Variants in EDNRB observed in about 807,000 individuals in gnomAD.
EDNRB encodes the protein endothelin receptor type B, also known as Hirschsprung disease 2.
EDNRB carries 18 observed loss-of-function variants against 46.4 expected under a neutral mutation model. The ratio of observed to expected loss-of-function variants is 0.39; its 90% CI spans 0.27 to 0.57. The LOEUF (loss-of-function observed/expected upper bound fraction) is 0.57, where lower values mean the gene tolerates loss of function less well. Among genes scored for constraint, EDNRB ranks in the 20% least tolerant of loss-of-function variants. EDNRB has a pLI of 0.61. For missense variants in EDNRB, 434 were observed against 537.5 expected, an observed-to-expected ratio of 0.81 and a Z score of 1.90; for synonymous variants, 213 against 204.9, an observed-to-expected ratio of 1.04 and a Z score of -0.34.
chr13:77,962,494 A>C (rs1881453700), intron 1 of EDNRB, among the ~76,000 whole-genome samples: 1 of 152,216 alleles, frequency 6.6e-6, no homozygotes, highest in Non-Finnish European at 1.5e-5. Flanking sequence ...GTAATCCAGC[A>C]TATAAACAGA....
intron 1 of EDNRB, among the ~76,000 whole-genome samples, chr13:77,954,012 CACTCA>C (rs1328195100): frequency 1.3e-5 from 2 of 152,268 alleles, no homozygotes; most frequent in African/African-American, 4.8e-5. Context: ...GAACCCCAAT[CACTCA>C]ACTCCAACCT....
intron 1 of EDNRB, among the ~76,000 whole-genome samples, chr13:77,967,451 A>G (rs993829594): frequency 1.3e-5 from 2 of 152,214 alleles, no homozygotes; most frequent in Non-Finnish European, 2.9e-5. Flanking sequence ...AAAGGCCAAG[A>G]GAATCACACA....
chr13:77,946,772 G>A (rs976709473), intron 1 of EDNRB, among the ~76,000 whole-genome samples: 1 of 152,218 alleles, frequency 6.6e-6, no homozygotes, highest in Non-Finnish European at 1.5e-5. Context: ...ATACACTGAC[G>A]TTATTAGTGA....
At chr13:77,919,747 G>T (rs572771663), upstream of EDNRB, 16 of 826,872 alleles carry the variant, frequency 1.9e-5, no homozygotes, top group East Asian at 2.7e-4. Flanking sequence ...CTCGTCCGGG[G>T]ACAGGTCCCA....
At chr13:77,965,564 A>G (rs1213566794) in intron 1 of EDNRB, among the ~76,000 whole-genome samples, 3 of 152,190 alleles carry the variant, frequency 2.0e-5, no homozygotes, top group Admixed American at 6.6e-5. Flanking sequence ...GATAATTTTA[A>G]TTGGTCTTGG....
At chr13:77,946,113 C>A (rs528778764) in intron 1 of EDNRB, among the ~76,000 whole-genome samples, 103 of 152,262 alleles carry the variant, frequency 6.8e-4, no homozygotes, top group African/African-American at 2.4e-3. Flanking sequence ...AGTATCCGAA[C>A]TGTGATATAC....
chr13:77,901,350 A>C, intron 3 of EDNRB, 143 bp from the exon 4 acceptor site: 1 of 889,716 alleles, frequency 1.1e-6, no homozygotes. Flanking sequence ...AGAATCTTTC[A>C]GGCCACACTT....
At chr13:77,944,564 C>T (rs1033389511) in intron 1 of EDNRB, among the ~76,000 whole-genome samples, 1 of 151,846 alleles carries the variant, frequency 6.6e-6, no homozygotes, top group Non-Finnish European at 1.5e-5. Flanking sequence ...CACATAAATT[C>T]CAACGGAAGT....
At chr13:77,936,249 T>C (rs977759453) in intron 1 of EDNRB, among the ~76,000 whole-genome samples, 17 of 152,252 alleles carry the variant, frequency 1.1e-4, no homozygotes, top group South Asian at 2.1e-4. Flanking sequence ...GGTGTGGCTG[T>C]AGCCCAGGAA....
intron 1 of EDNRB, among the ~76,000 whole-genome samples, chr13:77,907,788 CAT>C (rs1879356075): frequency 6.6e-6 from 1 of 151,798 alleles, no homozygotes; most frequent in African/African-American, 2.4e-5. Flanking sequence ...GAATCCAGGC[CAT>C]GTTTTGAGGT....
chr13:77,899,863 A>T lies in EDNRB; in HGVS notation c.1190T>A (p.Phe397Tyr), dbSNP rs1396007412. ...TATTTTGGGATAGTCTCTTACCTTA[A>T]AGCAGTTTTTGAATCTTTTGCTCAC... ...YLVSKRFKNC[F>Y]KSCLCCWCQS... Residue 397 changes from phenylalanine (F) to tyrosine (Y), a missense_variant, in exon 6 of 7, where the codon TTT becomes TAT. Phe to Tyr is a conservative substitution (Grantham distance 22). Coordinates refer to ENST00000646607, the MANE Select transcript of EDNRB (RefSeq NM_001122659.3). 3 of 1,610,794 alleles carry T rather than the reference A, an allele frequency of 1.9e-6. No homozygotes were observed. In the African/African-American group the frequency reaches 4.0e-5, roughly 22 times the overall value.
intron 1 of EDNRB, chr13:77,944,723 G>C (rs1272793722): frequency 6.6e-6 from 1 of 152,080 alleles, no homozygotes; most frequent in Non-Finnish European, 1.5e-5. Context: ...AGAATGGAGG[G>C]AGTAGTGTTT....
chr13:77,916,555 C>A (rs1195723450), intron 1 of EDNRB, among the ~76,000 whole-genome samples: 1 of 152,192 alleles, frequency 6.6e-6, no homozygotes, highest in Non-Finnish European at 1.5e-5. Flanking sequence ...CTAATCCACT[C>A]TCACCGCTAA....
chr13:77,968,273 G>A lies in EDNRB; in HGVS notation c.-52+7074C>T, dbSNP rs556787610. On this transcript the variant is annotated intron_variant, in intron 1 of 7. Coordinates refer to the EDNRB transcript ENST00000646948. Reference sequence around the variant, plus strand: ...TATTTGCTCCTTGGTTGTAGAGGAAGAGATGCTATTTTCTCTGGAATTAGA... The same window carrying A: ...TATTTGCTCCTTGGTTGTAGAGGAAAAGATGCTATTTTCTCTGGAATTAGA... Among the ~76,000 whole-genome samples the A allele has an allele frequency of 2.0e-5, 3 of 152,206 alleles. No homozygotes were observed. The South Asian group carries it at 6.2e-4, about 32-fold the overall frequency.
intron 1 of EDNRB, among the ~76,000 whole-genome samples, chr13:77,974,405 A>C (rs1181162382): frequency 1.3e-5 from 2 of 152,118 alleles, no homozygotes; most frequent in Non-Finnish European, 2.9e-5. Flanking sequence ...AGGATTTTTG[A>C]TAGGAAGGCC....
chr13:77,953,780 A>G (rs1487977701), intron 1 of EDNRB, among the ~76,000 whole-genome samples: 2 of 152,204 alleles, frequency 1.3e-5, no homozygotes, highest in African/African-American at 4.8e-5. Context: ...CAGGGACCAT[A>G]TAATGAATAT....
At chr13:77,924,832 GT>G (rs1371040999) in intron 1 of EDNRB, among the ~76,000 whole-genome samples, 1 of 152,144 alleles carries the variant, frequency 6.6e-6, no homozygotes, top group Non-Finnish European at 1.5e-5. Flanking sequence ...AGATCTGATG[GT>G]TTTAAAAACG....
upstream of EDNRB, among the ~76,000 whole-genome samples, chr13:77,921,708 A>C (rs1441882498): frequency 2.0e-5 from 3 of 152,366 alleles, no homozygotes; most frequent in Middle Eastern, 6.8e-3. Flanking sequence ...ATGTAAAGAC[A>C]ACCATGTGAA....
At chr13:77,940,435 T>G (rs1391622173) in intron 1 of EDNRB, among the ~76,000 whole-genome samples, 2 of 152,108 alleles carry the variant, frequency 1.3e-5, no homozygotes, top group Non-Finnish European at 2.9e-5. Flanking sequence ...ATGGAATACC[T>G]TCATAAAATT....
Sources: gnomAD v4.1 joint callset for allele counts (sites outside exome capture counted in the v4.1 genomes callset) on GRCh38, gnomAD v4.1.1 for gene constraint, MANE v1.5 for transcripts, NCBI Gene and HGNC (gene_info 2026-07-23, HGNC 2026-07-21) for gene names.